The following GAREM2 variants were observed in gnomAD, a reference collection of about 807,000 sequenced individuals.
The protein encoded by GAREM2 is GRB2 associated regulator of MAPK1 subtype 2.
GAREM2 carries 30 observed loss-of-function variants against 55.6 expected under a neutral mutation model. The ratio of observed to expected loss-of-function variants is 0.54; its 90% CI spans 0.40 to 0.73. The LOEUF is 0.73. Among genes scored for constraint, GAREM2 ranks in the 30% least tolerant of loss-of-function variants. The probability of loss-of-function intolerance (pLI) is 0.00; values close to 1 mark genes in which losing one functional copy is unlikely to be tolerated. For synonymous variants in GAREM2, 550 were observed against 569.1 expected, an observed-to-expected ratio of 0.97 and a Z score of 0.48; for missense variants, 1,075 against 1,257.7, an observed-to-expected ratio of 0.85 and a Z score of 2.20.
intron 2 of GAREM2, among the ~76,000 whole-genome samples, chr2:26,180,227 C>T (rs1334523147): frequency 6.6e-6 from 1 of 152,194 alleles, no homozygotes; most frequent in African/African-American, 2.4e-5. Context: ...CTGACCTCTG[C>T]TCCTCTAACC....
the GAREM2 span, among the ~76,000 whole-genome samples, chr2:26,203,323 G>A: frequency 6.6e-6 from 1 of 152,200 alleles, no homozygotes; most frequent in African/African-American, 2.4e-5. Flanking sequence ...TGCTTTAAGT[G>A]CAGCCAGCTT....
intron 2 of GAREM2, 104 bp from the exon 3 acceptor site, chr2:26,182,863 C>T (rs1669097710): frequency 1.4e-6 from 2 of 1,404,670 alleles, no homozygotes; most frequent in Non-Finnish European, 1.9e-6. Context: ...TCCTGAGGGG[C>T]TGGCCGAGAT....
At chr2:26,193,650 GC>G (rs747985669), downstream of GAREM2, 5 of 1,614,092 alleles carry the variant, frequency 3.1e-6, no homozygotes, top group South Asian at 5.5e-5. Flanking sequence ...CAAAGACTTT[GC>G]CCAGATCTTC....
Position 26,184,417 on chromosome 2 carries a change from G to A in GAREM2, c.569G>A (p.Gly190Asp). The change falls in exon 4 of 6, where the codon GGC becomes GAC. Residue 190 changes from glycine (G) to aspartate (D), a missense_variant. This residue lies in a region of GAREM2 where 230 missense variants were observed against 310.6 expected (regional missense o/e 0.74). Coordinates refer to ENST00000401533, the MANE Select transcript of GAREM2 (RefSeq NM_001168241.2). ...GGGGCGCTGGCCGGGGTGGGCGGCG[G>A]CGGCCCAGCGAGCGCGGGGGCCGCG... Reference protein sequence around the residue: ...RAGALAGVGGGGPASAGAAGG... With the variant: ...RAGALAGVGGDGPASAGAAGG... The A allele has an allele frequency of 6.8e-7, 1 of 1,472,626 alleles. No individual in the cohort carries two copies. Among genetic ancestry groups the A allele is most frequent in the Non-Finnish European group, 9.0e-7 (1 of 1,111,260 alleles). The allele number at this position is 1,472,626 out of a possible 1,614,324, so 91.2% of individuals were successfully genotyped here.
rs1242791514 is a variant in GAREM2 at position 26,184,857 on chromosome 2, G to A, written c.1009G>A (p.Val337Ile). 6 of 1,469,820 alleles carry A rather than the reference G, an allele frequency of 4.1e-6. No individual in the cohort carries two copies. The highest frequency in any genetic ancestry group is 1.3e-5 in the South Asian group (1 of 76,888). 91.0% of individuals were successfully genotyped at this position (1,469,820 alleles called of 1,614,324 possible). Residue 337 changes from valine (V) to isoleucine (I), a missense_variant, in exon 4 of 6, where the codon GTC (valine) becomes ATC (isoleucine). Coordinates refer to ENST00000401533, the MANE Select transcript of GAREM2 (RefSeq NM_001168241.2). ...PQGLLAGDPRVERLVRDSASY... is the reference protein window; with the variant it reads ...PQGLLAGDPRIERLVRDSASY... Reference sequence around the variant, plus strand: ...GGGCCTGCTGGCCGGGGACCCGCGCGTCGAGCGCCTGGTGCGCGACAGCGC... The same window carrying A: ...GGGCCTGCTGGCCGGGGACCCGCGCATCGAGCGCCTGGTGCGCGACAGCGC...
At chr2:26,176,518 G>A (rs1668871365) in intron 2 of GAREM2, 34 bp downstream of exon 2, 1 of 1,476,400 alleles carries the variant, frequency 6.8e-7, no homozygotes, top group Non-Finnish European at 9.1e-7. Context: ...CATAAAGCCT[G>A]TAGGGGGGTG....
downstream of GAREM2, among the ~76,000 whole-genome samples, chr2:26,193,313 G>C (rs947479198): frequency 3.5e-5 from 1 of 28,178 alleles, no homozygotes; most frequent in African/African-American, 1.6e-4. Flanking sequence ...TTTTTTTTTT[G>C]AGAAGGGGCC....
chr2:26,203,916 G>C, the GAREM2 span: 1 of 798,020 alleles, frequency 1.3e-6, no homozygotes, highest in Non-Finnish European at 2.1e-6. Flanking sequence ...TCACTACGGA[G>C]TATCTAGAAC....
Position 26,186,268 on chromosome 2 carries a change from G to T in GAREM2, c.1508G>T (p.Ser503Ile), listed in dbSNP as rs1558309399. 6.4e-7 allele frequency: 1 copy of T among 1,550,416 alleles called. No homozygotes were observed. Among genetic ancestry groups the T allele is most frequent in the South Asian group, 1.2e-5 (1 of 83,970 alleles). The part of the protein sequence containing the change: ...GGNGSGRLSS[S>I]PPVPPRFPKL... The stretch of plus-strand genomic sequence containing the variant: ...AATGGCAGCGGCCGGCTCTCCAGCA[G>T]CCCCCCGGTTCCCCCTCGCTTCCCC... Residue 503 changes from serine to isoleucine, a missense_variant, in exon 5 of 6, where the codon AGC (serine) becomes ATC (isoleucine). Ser to Ile is a moderately radical substitution (Grantham distance 142). This residue lies in a region of GAREM2 where 515 missense variants were observed against 501.5 expected (regional missense o/e 1.03). Transcript: ENST00000401533.
chr2:26,187,200 C>G, intron 5 of GAREM2, 31 bp from the exon 6 acceptor site: 3 of 1,434,860 alleles, frequency 2.1e-6, no homozygotes, highest in Non-Finnish European at 2.8e-6. Context: ...CCTCACCTGT[C>G]CTATGTGTGT....
chr2:26,185,956 G>C (rs1574594156), intron 4 of GAREM2, among the ~76,000 whole-genome samples: 2 of 152,124 alleles, frequency 1.3e-5, no homozygotes, highest in East Asian at 3.9e-4. Flanking sequence ...GATTTCCAAG[G>C]AACAGGAAGG....
rs1172957834 is a variant in GAREM2 at position 26,179,493 on chromosome 2, T to A, written c.253+3009T>A. On this transcript the variant is annotated intron_variant, in intron 2 of 5. Coordinates refer to ENST00000401533, the MANE Select transcript of GAREM2 (RefSeq NM_001168241.2). The surrounding 1 kb of genome is among the most constrained non-coding windows in gnomAD (Gnocchi z 4.7). ...GCTGTGGGGCAGGCATGGAGAAGGG[T>A]GGTCAGCAATCCCCTGCCACAGCCC... 2.0e-5 allele frequency among the ~76,000 whole-genome samples: 3 copies of A among 151,720 alleles called. No individual in the cohort carries two copies. In the East Asian group the frequency reaches 5.8e-4, roughly 29 times the overall value.
chr2:26,196,388 G>A, the GAREM2 span, among the ~76,000 whole-genome samples: 3 of 152,164 alleles, frequency 2.0e-5, no homozygotes, highest in Non-Finnish European at 4.4e-5. Context: ...AAAGGAATTA[G>A]CCTTTATTGA....
the GAREM2 span, among the ~76,000 whole-genome samples, chr2:26,198,467 C>CCAGTTATT: frequency 1.3e-5 from 2 of 151,556 alleles, no homozygotes; most frequent in African/African-American, 4.9e-5. Flanking sequence ...CCTCCGCCTC[C>CCAGTTATT]CAGTTATTCA....
At chr2:26,198,445 G>C in the GAREM2 span, among the ~76,000 whole-genome samples, 3 of 149,678 alleles carry the variant, frequency 2.0e-5, no homozygotes, top group African/African-American at 7.4e-5. Context: ...GTGCAATCTA[G>C]GCTCGCTGCA....
At chr2:26,201,357 A>G in the GAREM2 span, 1 of 1,432,432 alleles carries the variant, frequency 7.0e-7, no homozygotes, top group Admixed American at 1.7e-5. Flanking sequence ...TGGGAAGAAA[A>G]GGAAACTAAC....
In GAREM2 at chr2:26,188,810, G is replaced by C. The variant is rs1349005040; in HGVS notation, c.*553G>C. 2.0e-5 allele frequency: 3 copies of C among 152,406 alleles called. No homozygotes were observed. The highest frequency in any genetic ancestry group is 4.4e-5 in the Non-Finnish European group (3 of 68,200). The allele number at this position is 152,406 out of a possible 1,614,324, so 9.4% of individuals were successfully genotyped here. ...TGCTCCACCGTGGTTGAGGGGGGTG[G>C]GGCCTGGCCCCGCACACAGGTGAGT... On this transcript the variant is annotated 3_prime_UTR_variant, in exon 6 of 6. Coordinates refer to ENST00000401533, the MANE Select transcript of GAREM2 (RefSeq NM_001168241.2).
At chr2:26,184,039 G>A (rs1309305132) in intron 3 of GAREM2, among the ~76,000 whole-genome samples, 194 bp from the exon 4 acceptor site, 1 of 152,284 alleles carries the variant, frequency 6.6e-6, no homozygotes, top group Non-Finnish European at 1.5e-5. Flanking sequence ...AGGCGTGGAG[G>A]GGCAACTCAT....
chr2:26,193,053 G>A (rs1669557600), downstream of GAREM2, among the ~76,000 whole-genome samples: 1 of 152,078 alleles, frequency 6.6e-6, no homozygotes, highest in Non-Finnish European at 1.5e-5. Flanking sequence ...TTCTCTGTGG[G>A]CCTCAACTGT....
Sources: gnomAD v4.1 joint callset for allele counts (sites outside exome capture counted in the v4.1 genomes callset) on GRCh38, gnomAD v4.1.1 for gene constraint, gnomAD v4.1.1 regional missense constraint, Gnocchi (gnomAD v3.1) non-coding constraint, MANE v1.5 for transcripts, NCBI Gene and HGNC (gene_info 2026-07-23, HGNC 2026-07-21) for gene names.